Variants in MICAL3 observed in about 807,000 individuals in gnomAD.
MICAL3 encodes microtubule associated monooxygenase, calponin and LIM domain containing 3.
A neutral mutation model predicts 207.4 loss-of-function variants in MICAL3; 62 were observed. The observed-to-expected ratio is 0.30, with a 90% CI of 0.24 to 0.37. MICAL3 has a LOEUF of 0.37. MICAL3 is among the 10% of genes least tolerant of loss of function. The pLI is 1.00. For synonymous variants in MICAL3, 1,077 were observed against 1,069.3 expected (o/e 1.01, Z -0.14); for missense variants, 2,368 against 2,635.6 (o/e 0.90, Z 2.22).
At chr22:17,911,253 T>G (rs1269831862) in intron 1 of MICAL3, among the ~76,000 whole-genome samples, 1 of 151,974 alleles carries the variant, frequency 6.6e-6, no homozygotes, top group African/African-American at 2.4e-5. Flanking sequence ...TGGCTGGCTA[T>G]GAGAACACTC....
At chr22:17,834,524 T>C in intron 20 of MICAL3, 5 of 1,217,198 alleles carry the variant, frequency 4.1e-6, no homozygotes, top group Non-Finnish European at 5.3e-6. Flanking sequence ...GAGACCATCC[T>C]GGGCAACCAT....
At position 17,822,381 on chromosome 22, in the gene MICAL3, G is replaced by A. The variant is rs184747690; in HGVS notation, c.3308-211C>T. ...GAGCACCCTCCTGCCTTTGCAACGC[G>A]GGGCCGCATCAAAGCCTGTGGGGCT... On this transcript the variant is annotated intron_variant, in intron 23 of 31. Coordinates refer to ENST00000441493, the MANE Select transcript of MICAL3 (RefSeq NM_015241.3). Among the ~76,000 whole-genome samples the A allele has an allele frequency of 1.4e-4, 22 of 152,334 alleles. No individual in the cohort carries two copies. In the East Asian group the frequency reaches 2.9e-3, roughly 20 times the overall value.
chr22:17,819,510 G>A lies in MICAL3; in HGVS notation c.3532-381C>T, dbSNP rs557972447. Among the ~76,000 whole-genome samples the A allele has an allele frequency of 2.7e-4, 41 of 152,290 alleles. No individual in the cohort carries two copies. In the South Asian group the frequency reaches 3.5e-3, roughly 13 times the overall value. On this transcript the variant is annotated intron_variant, in intron 25 of 31. Transcript: ENST00000441493. ...ACGTACGTACAGAGGGGCCAGGACT[G>A]TAAGAAGACTTACCACAGCTATTTA...
intron 1 of MICAL3, among the ~76,000 whole-genome samples, chr22:17,918,726 C>T (rs998592439): frequency 6.6e-6 from 1 of 152,178 alleles, no homozygotes; most frequent in Admixed American, 6.5e-5. Flanking sequence ...ATGGCCTCCC[C>T]ATGTTCCCCA....
chr22:17,917,763 C>T (rs1321503825), intron 1 of MICAL3, among the ~76,000 whole-genome samples: 1 of 152,234 alleles, frequency 6.6e-6, no homozygotes, highest in Non-Finnish European at 1.5e-5. Context: ...GCCCCTCGCT[C>T]TTCAGGTCTT....
chr22:17,886,825 T>G (rs537989102), intron 15 of MICAL3, among the ~76,000 whole-genome samples: 1 of 101,276 alleles, frequency 9.9e-6, no homozygotes, highest in South Asian at 2.9e-4. Context: ...AAAAAAAAAT[T>G]ACAAAAATTA....
chr22:17,843,233 G>A (rs1037404681), intron 19 of MICAL3, among the ~76,000 whole-genome samples: 2 of 151,902 alleles, frequency 1.3e-5, no homozygotes, highest in Admixed American at 6.6e-5. Context: ...CTATGGACTC[G>A]GATTTTTGAA....
At chr22:18,015,675 A>G (rs1924011965) in intron 1 of MICAL3, among the ~76,000 whole-genome samples, 1 of 151,954 alleles carries the variant, frequency 6.6e-6, no homozygotes, top group African/African-American at 2.4e-5. Context: ...GCCTCCGACC[A>G]CGCGCGACCC....
intron 5 of MICAL3, among the ~76,000 whole-genome samples, chr22:17,901,547 G>A (rs1293827298): frequency 1.3e-5 from 2 of 152,206 alleles, no homozygotes; most frequent in African/African-American, 4.8e-5. Context: ...GCACGCGCCT[G>A]TAGTCCCAGC....
chr22:17,895,549 C>A, intron 9 of MICAL3, 139 bp from the exon 10 acceptor site: 1 of 964,774 alleles, frequency 1.0e-6, no homozygotes. Context: ...CTTCTTGAGT[C>A]CTACGTCAGC....
At chr22:17,830,476 C>G (rs117079074) in intron 21 of MICAL3, among the ~76,000 whole-genome samples, 3,087 of 152,324 alleles carry the variant, frequency 0.02, 47 homozygotes, top group Middle Eastern at 0.034. Context: ...TGCTTCGACC[C>G]GAAGCTGTGC....
intron 1 of MICAL3, among the ~76,000 whole-genome samples, chr22:17,984,035 TG>T: frequency 1.3e-5 from 2 of 152,330 alleles, no homozygotes; most frequent in South Asian, 4.1e-4. Flanking sequence ...CAAACTTTTC[TG>T]AAATTATACC....
At chr22:17,822,879 G>A in intron 23 of MICAL3, 68 bp downstream of exon 23, 1 of 1,038,944 alleles carries the variant, frequency 9.6e-7, no homozygotes. Flanking sequence ...GCTTGATTTT[G>A]CTGGAAAGCA....
chr22:17,848,059 C>A (rs1225890830), intron 19 of MICAL3, among the ~76,000 whole-genome samples: 1 of 152,200 alleles, frequency 6.6e-6, no homozygotes, highest in African/African-American at 2.4e-5. Flanking sequence ...AAGCCATGAA[C>A]CCATTCTGAA....
chr22:17,929,502 C>G (rs982929798), intron 1 of MICAL3, among the ~76,000 whole-genome samples: 2 of 151,900 alleles, frequency 1.3e-5, no homozygotes, highest in African/African-American at 4.8e-5. Context: ...CCAAAGGCTC[C>G]CCTCTGTAAA....
At chr22:17,893,608 A>G (rs564161572) in intron 11 of MICAL3, among the ~76,000 whole-genome samples, 200 bp downstream of exon 11, 1 of 152,114 alleles carries the variant, frequency 6.6e-6, no homozygotes, top group South Asian at 2.1e-4. Flanking sequence ...GCTCCTGCCC[A>G]CCCCCAATCA....
At chr22:17,856,779 G>A (rs1039569380) in intron 19 of MICAL3, among the ~76,000 whole-genome samples, 6 of 151,896 alleles carry the variant, frequency 4.0e-5, no homozygotes, top group Middle Eastern at 3.4e-3. Context: ...CCGCCACCGC[G>A]CCCAGCTAAT....
intron 1 of MICAL3, among the ~76,000 whole-genome samples, chr22:17,908,838 T>G (rs1318428421): frequency 6.6e-6 from 1 of 152,184 alleles, no homozygotes; most frequent in East Asian, 1.9e-4. Flanking sequence ...AGCAAGAGAC[T>G]GCCCACTATT....
chr22:17,905,573 T>C (rs564343945), intron 2 of MICAL3, among the ~76,000 whole-genome samples: 1 of 152,350 alleles, frequency 6.6e-6, no homozygotes, highest in South Asian at 2.1e-4. Flanking sequence ...TTCTTGAATT[T>C]TGCTGATGAA....
Sources: allele counts gnomAD v4.1 joint callset (sites outside exome capture counted in the v4.1 genomes callset), GRCh38; gene constraint gnomAD v4.1.1; transcripts MANE v1.5; gene names NCBI Gene and HGNC (gene_info 2026-07-23, HGNC 2026-07-21).